DMD: variants seen among roughly 807,000 people sequenced by gnomAD.
DMD encodes the protein mutant dystrophin.
Under a neutral mutation model 330.1 loss-of-function variants are expected in DMD, and 63 were observed. The observed-to-expected ratio is 0.19, with a 90% CI of 0.16 to 0.24. The LOEUF (loss-of-function observed/expected upper bound fraction) is 0.24, where lower values mean the gene tolerates loss of function less well. Ranked by LOEUF, DMD falls within the 10% of genes least tolerant of loss-of-function variation. DMD has a pLI of 1.00. For synonymous variants in DMD, 1,223 were observed against 959.8 expected (o/e 1.27, Z -5.07); for missense variants, 3,344 against 2,684.1 (o/e 1.25, Z -5.43).
intron 43 of DMD, among the ~76,000 whole-genome samples, chrX:32,269,697 C>T (rs1190184640): frequency 1.8e-5 from 2 of 112,028 alleles, no homozygotes; most frequent in Non-Finnish European, 3.8e-5. Flanking sequence ...AAATGTAAAT[C>T]TCTTAATATA....
chrX:31,910,740 A>T (rs777466356), intron 47 of DMD, among the ~76,000 whole-genome samples: 1 of 111,710 alleles, frequency 9.0e-6, no homozygotes, highest in Non-Finnish European at 1.9e-5. Flanking sequence ...TTAAGAGAGA[A>T]GGAAAAAAGG....
chrX:32,736,390 A>G (rs1055652041), intron 7 of DMD, among the ~76,000 whole-genome samples: 2 of 111,397 alleles, frequency 1.8e-5, no homozygotes, highest in Non-Finnish European at 3.8e-5. Flanking sequence ...TAGAAATCGC[A>G]TTTGACCCAG....
chrX:32,709,363 T>C (rs1222098556), intron 7 of DMD, among the ~76,000 whole-genome samples: 1 of 112,020 alleles, frequency 8.9e-6, no homozygotes, highest in African/African-American at 3.2e-5. Context: ...GAGAATGTAA[T>C]AAATGATGTT....
intron 44 of DMD, among the ~76,000 whole-genome samples, chrX:32,215,507 A>C (rs914879642): frequency 8.1e-5 from 9 of 111,716 alleles, no homozygotes; most frequent in Admixed American, 1.9e-4. Flanking sequence ...AGCAAAATTC[A>C]TACTGAACAA....
rs2097802245 is a variant in DMD, at chrX:32,356,708, A to T, written c.5325+6080T>A. ...TCCTTAGAACAGTGAAGTATATCTA[A>T]ATCTCTAGAAAAATACAATCTAAGC... On this transcript the variant is annotated intron_variant, in intron 37 of 78. Transcript: ENST00000357033. 2.7e-5 allele frequency among the ~76,000 whole-genome samples: 3 copies of T among 111,490 alleles called. No individual in the cohort carries two copies. In the South Asian group the frequency reaches 1.1e-3, roughly 41 times the overall value.
chrX:33,188,478 A>G (rs1334598293), intron 1 of DMD, among the ~76,000 whole-genome samples: 2 of 110,328 alleles, frequency 1.8e-5, no homozygotes, highest in Non-Finnish European at 3.8e-5. Context: ...TCATACTGAC[A>G]GCAGTCCTCA....
At chrX:32,856,360 CAT>C (rs2081557675) in intron 2 of DMD, among the ~76,000 whole-genome samples, 1 of 112,130 alleles carries the variant, frequency 8.9e-6, no homozygotes, top group East Asian at 2.8e-4. Flanking sequence ...TCTGCACCCT[CAT>C]GTTTATTGCA....
At chrX:31,408,706 A>T (rs1403818537) in intron 60 of DMD, among the ~76,000 whole-genome samples, 1 of 85,733 alleles carries the variant, frequency 1.2e-5, no homozygotes. Flanking sequence ...GCCTCTTTGA[A>T]CTTTTTTTTG....
intron 11 of DMD, among the ~76,000 whole-genome samples, chrX:32,643,033 A>T (rs1371534273): frequency 9.0e-6 from 1 of 111,334 alleles, no homozygotes; most frequent in African/African-American, 3.3e-5. Flanking sequence ...AAATTAGTGG[A>T]CCTGGTAAAC....
At chrX:31,885,979 C>T (rs1279487947) in intron 47 of DMD, among the ~76,000 whole-genome samples, 1 of 110,608 alleles carries the variant, frequency 9.0e-6, no homozygotes, top group Non-Finnish European at 1.9e-5. Context: ...TTGTGATAAG[C>T]ATCTTCTCTA....
chrX:33,240,740 T>A (rs2148889826), intron 1 of DMD, among the ~76,000 whole-genome samples: 1 of 112,068 alleles, frequency 8.9e-6, no homozygotes, highest in South Asian at 3.7e-4. Flanking sequence ...TCTTTTGCCT[T>A]CTTGATGTCA....
chrX:32,885,975 G>A (rs57875041), intron 2 of DMD, among the ~76,000 whole-genome samples: 2,781 of 110,126 alleles, frequency 0.025, 81 homozygotes, highest in African/African-American at 0.076. Flanking sequence ...TTGTAGTCAA[G>A]CTGAATACAA....
At chrX:31,978,846 C>T (rs755600501) in intron 44 of DMD, among the ~76,000 whole-genome samples, 5 of 111,692 alleles carry the variant, frequency 4.5e-5, no homozygotes, top group South Asian at 7.6e-4. Flanking sequence ...TGCCTAGTAA[C>T]GTGTTGCTAC....
intron 43 of DMD, among the ~76,000 whole-genome samples, chrX:32,217,434 A>G (rs1376116501): frequency 9.0e-6 from 1 of 111,508 alleles, no homozygotes; most frequent in Non-Finnish European, 1.9e-5. Context: ...ATTGTAATAA[A>G]TTATTTGGAA....
At chrX:32,776,999 G>A (rs2074214138) in intron 7 of DMD, among the ~76,000 whole-genome samples, 1 of 109,266 alleles carries the variant, frequency 9.2e-6, no homozygotes, top group Admixed American at 9.8e-5. Flanking sequence ...AGCTAAATGG[G>A]TCATAAAAAA....
chrX:31,258,147 TTACC>T (rs1475617330), intron 63 of DMD, among the ~76,000 whole-genome samples: 1 of 112,082 alleles, frequency 8.9e-6, no homozygotes, highest in Non-Finnish European at 1.9e-5. Flanking sequence ...TAAATATACT[TTACC>T]TAGTAAATAA....
At position 31,289,276 on chromosome X, in the gene DMD, AAT is replaced by A. The variant is rs1237983392; in HGVS notation, c.9225-28262_9225-28261del. ...CAAAAAAAAAAAAAATAAAAAATAA[AAT>A]AAAATCCATCTCAAAAAAAAAAAAA... On this transcript the variant is annotated intron_variant, in intron 62 of 78. Coordinates refer to ENST00000357033, the MANE Select transcript of DMD (RefSeq NM_004006.3). Among the ~76,000 whole-genome samples, 629 of 78,697 alleles carry A rather than the reference AAT, an allele frequency of 8.0e-3. 99 individuals carry two copies. The highest frequency in any genetic ancestry group is 0.036 in the African/African-American group (595 of 16,718). 68.3% of individuals were successfully genotyped at this position (78,697 alleles called of 115,157 possible).
At chrX:32,018,764 T>C (rs115633520) in intron 44 of DMD, among the ~76,000 whole-genome samples, 4,453 of 111,801 alleles carry the variant, frequency 0.04, 223 homozygotes, top group African/African-American at 0.14. Flanking sequence ...AGCTATTATC[T>C]TGGACCTGTA....
intron 1 of DMD, among the ~76,000 whole-genome samples, chrX:33,200,471 T>A (rs1040694185): frequency 3.6e-5 from 4 of 111,506 alleles, no homozygotes; most frequent in Non-Finnish European, 7.5e-5. Flanking sequence ...CTAGTAATAT[T>A]GAAAGAAATG....
Sources: gnomAD v4.1 joint callset for allele counts (sites outside exome capture counted in the v4.1 genomes callset) on GRCh38, gnomAD v4.1.1 for gene constraint, MANE v1.5 for transcripts, NCBI Gene and HGNC (gene_info 2026-07-23, HGNC 2026-07-21) for gene names.